Variants in BRIP1 observed in about 807,000 individuals in gnomAD.
BRIP1 encodes the protein BRCA1 interacting DNA helicase 1.
A neutral mutation model predicts 119.7 loss-of-function variants in BRIP1; 88 were observed. The ratio of observed to expected loss-of-function variants is 0.74; its 90% CI spans 0.62 to 0.88. The LOEUF is 0.88. Ranked by LOEUF, BRIP1 falls within the 40% of genes least tolerant of loss-of-function variation. The pLI, the probability that BRIP1 is intolerant of heterozygous loss-of-function variation, is 0.00. For synonymous variants in BRIP1, 443 were observed against 496.5 expected (o/e 0.89, Z 1.43); for missense variants, 1,259 against 1,455.4 (o/e 0.87, Z 2.20).
chr17:61,822,142 G>A lies in BRIP1; in HGVS notation c.628-13385C>T, dbSNP rs573071624. ...TGAATGAAATGTCTTCCCTATAAGCGTTACATAAAATTAGTAAATGACAAA... is the reference window on the plus strand; with the variant it reads ...TGAATGAAATGTCTTCCCTATAAGCATTACATAAAATTAGTAAATGACAAA... On this transcript the variant is annotated intron_variant, in intron 6 of 19. Transcript: ENST00000259008. This position sits in a 1 kb window ranked among gnomAD's most constrained non-coding sequence, Gnocchi z 4.4. Among the ~76,000 whole-genome samples, 36 of 151,984 alleles carry A rather than the reference G, an allele frequency of 2.4e-4. No individual in the cohort carries two copies. Among genetic ancestry groups the A allele is most frequent in the Middle Eastern group, 3.4e-3 (1 of 294 alleles).
rs1012268736 is a variant in BRIP1, at chr17:61,744,208, G to A, written c.2257+224C>T. 2.6e-5 allele frequency among the ~76,000 whole-genome samples: 4 copies of A among 152,006 alleles called. No homozygotes were observed. The highest frequency in any genetic ancestry group is 2.1e-4 in the South Asian group (1 of 4,814). On this transcript the variant is annotated intron_variant, in intron 15 of 19. Transcript: ENST00000259008. The surrounding 1 kb of genome is among the most constrained non-coding windows in gnomAD (Gnocchi z 5.0). ...AGTGCACTGAAGACTGTGAGATGAT[G>A]GCATCGTTTTTCTTAAAGTTGAATC...
chr17:61,731,000 G>C lies in BRIP1; in HGVS notation c.2379+12013C>G, dbSNP rs1414299156. On this transcript the variant is annotated intron_variant, in intron 16 of 19. Coordinates refer to ENST00000259008, the MANE Select transcript of BRIP1 (RefSeq NM_032043.3). This position sits in a 1 kb window ranked among gnomAD's most constrained non-coding sequence, Gnocchi z 4.3. Reference sequence around the variant, plus strand: ...TTTATTAACCTAGACAGCTTACTTAGATTTAAACTAGGTTTTAATTTTGGA... The same window carrying C: ...TTTATTAACCTAGACAGCTTACTTACATTTAAACTAGGTTTTAATTTTGGA... Among the ~76,000 whole-genome samples the C allele has an allele frequency of 6.7e-6, 1 of 150,100 alleles. No individual in the cohort carries two copies. The highest frequency in any genetic ancestry group is 1.5e-5 in the Non-Finnish European group (1 of 67,780).
At position 61,717,133 on chromosome 17, in the gene BRIP1, C is replaced by G. The variant is rs73991942; in HGVS notation, c.2380-1070G>C. ...TTACAGAAAAGTTCCAAAGATAGTA[C>G]AGAGATTCCTTATACCCTTTACCCA... On this transcript the variant is annotated intron_variant, in intron 16 of 19. Transcript: ENST00000259008. This position sits in a 1 kb window ranked among gnomAD's most constrained non-coding sequence, Gnocchi z 4.1. Among the ~76,000 whole-genome samples the G allele has an allele frequency of 0.049, 7,429 of 152,030 alleles. 576 individuals are homozygous for G. Among genetic ancestry groups the G allele is most frequent in the African/African-American group, 0.17 (6,871 of 41,474 alleles).
rs565561271 is a variant in BRIP1 at position 61,736,331 on chromosome 17, A to C, written c.2379+6682T>G. 6.6e-6 allele frequency among the ~76,000 whole-genome samples: 1 copy of C among 152,052 alleles called. No individual in the cohort carries two copies. The highest frequency in any genetic ancestry group is 2.1e-4 in the South Asian group (1 of 4,824). On this transcript the variant is annotated intron_variant, in intron 16 of 19. Transcript: ENST00000259008. This position sits in a 1 kb window ranked among gnomAD's most constrained non-coding sequence, Gnocchi z 4.4. ...CGACAGAACAAGACCTTGTCTATAA[A>C]ATAAAATAAAAATATTTAAATAAAT...
rs2077788525 is a variant in BRIP1, at chr17:61,789,841, C to T, written c.1473+3756G>A. On this transcript the variant is annotated intron_variant, in intron 10 of 19. Transcript: ENST00000259008. The surrounding 1 kb of genome is among the most constrained non-coding windows in gnomAD (Gnocchi z 4.8). Reference sequence around the variant, plus strand: ...GGGCATAGAAGAAGGCATAAGTAGACATAAATCACAATGTTCACAATGTTC... The same window carrying T: ...GGGCATAGAAGAAGGCATAAGTAGATATAAATCACAATGTTCACAATGTTC... 6.6e-6 allele frequency among the ~76,000 whole-genome samples: 1 copy of T among 152,106 alleles called. No homozygotes were observed. Among genetic ancestry groups the T allele is most frequent in the African/African-American group, 2.4e-5 (1 of 41,426 alleles).
At position 61,860,879 on chromosome 17, in the gene BRIP1, G is replaced by A. The variant is rs2078964373; in HGVS notation, c.93+568C>T. Among the ~76,000 whole-genome samples, 2 of 151,982 alleles carry A rather than the reference G, an allele frequency of 1.3e-5. No homozygotes were observed. Among genetic ancestry groups the A allele is most frequent in the Admixed American group, 6.6e-5 (1 of 15,256 alleles). ...ACTCAAGTTCTGCATAAAAAGTAAGGTACCGTATCACATCAATGCACAGTT... is the reference window on the plus strand; with the variant it reads ...ACTCAAGTTCTGCATAAAAAGTAAGATACCGTATCACATCAATGCACAGTT... On this transcript the variant is annotated intron_variant, in intron 2 of 19. Transcript: ENST00000259008. This position sits in a 1 kb window ranked among gnomAD's most constrained non-coding sequence, Gnocchi z 4.1.
At chr17:61,850,502 C>A (rs2078803483) in intron 4 of BRIP1, among the ~76,000 whole-genome samples, 1 of 152,136 alleles carries the variant, frequency 6.6e-6, no homozygotes, top group Non-Finnish European at 1.5e-5. Flanking sequence ...CAGAGAAAGA[C>A]CTACATGAGC....
intron 6 of BRIP1, among the ~76,000 whole-genome samples, chr17:61,830,357 A>G (rs1289491457): frequency 6.6e-6 from 1 of 151,838 alleles, no homozygotes; most frequent in Non-Finnish European, 1.5e-5. Context: ...GAAAGTCAAC[A>G]AAAACTTTTT....
chr17:61,754,634 A>C lies in BRIP1; in HGVS notation c.2098-10043T>G, dbSNP rs993531845. ...TCTTACAGTTATTAGTTTAAGCCAC[A>C]GATTGAGTGGCTTAAACAAGAGAAA... On this transcript the variant is annotated intron_variant, in intron 14 of 19. Coordinates refer to ENST00000259008, the MANE Select transcript of BRIP1 (RefSeq NM_032043.3). This position sits in a 1 kb window ranked among gnomAD's most constrained non-coding sequence, Gnocchi z 4.1. Among the ~76,000 whole-genome samples the C allele has an allele frequency of 2.6e-5, 4 of 152,204 alleles. No homozygotes were observed. The highest frequency in any genetic ancestry group is 6.5e-5 in the Admixed American group (1 of 15,274).
rs566126095 is a variant in BRIP1 at position 61,711,533 on chromosome 17, C to T, written c.2492+4418G>A. On this transcript the variant is annotated intron_variant, in intron 17 of 19. Coordinates refer to ENST00000259008, the MANE Select transcript of BRIP1 (RefSeq NM_032043.3). ...CTGTAGCTTAACCATAGACCTGAAT[C>T]ACTCAGTTTGAAGAAAAACACATGC... 9.2e-5 allele frequency among the ~76,000 whole-genome samples: 14 copies of T among 152,130 alleles called. No individual in the cohort carries two copies. In the East Asian group the frequency reaches 1.9e-3, roughly 21 times the overall value.
chr17:61,781,036 C>A (rs2077613022), intron 11 of BRIP1, 31 bp from the exon 12 acceptor site: 1 of 1,610,030 alleles, frequency 6.2e-7, no homozygotes, highest in Non-Finnish European at 8.5e-7. Context: ...AATTAAGTGG[C>A]AAAACTTTTA....
intron 5 of BRIP1, among the ~76,000 whole-genome samples, chr17:61,847,723 T>G (rs1486143115): frequency 6.6e-6 from 1 of 152,224 alleles, no homozygotes; most frequent in Non-Finnish European, 1.5e-5. Context: ...CCAAGTTGCC[T>G]TTGATTAAAT....
At chr17:61,749,411 T>TA (rs1000787631) in intron 14 of BRIP1, among the ~76,000 whole-genome samples, 11 of 151,078 alleles carry the variant, frequency 7.3e-5, no homozygotes, top group South Asian at 4.2e-4. Flanking sequence ...AACCCAATAT[T>TA]AAAAAAAAAT....
chr17:61,833,796 T>C (rs182307815), intron 6 of BRIP1, among the ~76,000 whole-genome samples: 1 of 152,160 alleles, frequency 6.6e-6, no homozygotes, highest in East Asian at 1.9e-4. Context: ...CTAACTCCAC[T>C]AACCTCTGGC....
chr17:61,772,157 T>TTATATATA (rs71150699), intron 14 of BRIP1, among the ~76,000 whole-genome samples: 34 of 76,856 alleles, frequency 4.4e-4, no homozygotes, highest in Non-Finnish European at 5.0e-4. Flanking sequence ...AAATGTGAGA[T>TTATATATA]TATATATATA....
Position 61,810,312 on chromosome 17 carries a change from T to C in BRIP1, c.628-1555A>G, listed in dbSNP as rs1447642818. 6.6e-6 allele frequency among the ~76,000 whole-genome samples: 1 copy of C among 152,222 alleles called. No individual in the cohort carries two copies. The highest frequency in any genetic ancestry group is 2.4e-5 in the African/African-American group (1 of 41,466). On this transcript the variant is annotated intron_variant, in intron 6 of 19. Transcript: ENST00000259008. The surrounding 1 kb of genome is among the most constrained non-coding windows in gnomAD (Gnocchi z 4.7). ...CAGCTGACATGTGGTTTATGTTACA[T>C]ATGTTGCAATATCCAACAATTTACG... is the stretch of plus-strand genomic sequence containing the variant.
At position 61,803,715 on chromosome 17, in the gene BRIP1, A is replaced by G. The variant is rs1603344369; in HGVS notation, c.919-2241T>C. Among the ~76,000 whole-genome samples the G allele has an allele frequency of 6.6e-6, 1 of 152,300 alleles. No individual in the cohort carries two copies. Among genetic ancestry groups the G allele is most frequent in the East Asian group, 1.9e-4 (1 of 5,182 alleles). ...GTGTCTCATATACTATTAAAAATGT[A>G]CAAAATTAGAAAAGTATATATATTT... is the stretch of plus-strand genomic sequence containing the variant. On this transcript the variant is annotated intron_variant, in intron 7 of 19. Transcript: ENST00000259008. The surrounding 1 kb of genome is among the most constrained non-coding windows in gnomAD (Gnocchi z 4.3).
At position 61,808,726 on chromosome 17, in the gene BRIP1, G is replaced by A. The variant is rs1357803255; in HGVS notation, c.659C>T (p.Ser220Phe). Reference sequence around the variant, plus strand: ...CTCTTGACTGTTTCCTTGTTTAGTAGAACAACAGCACCTAGAACAGTGGCC... The same window carrying A: ...CTCTTGACTGTTTCCTTGTTTAGTAAAACAACAGCACCTAGAACAGTGGCC... ...PPGHCSRCCC[S>F]TKQGNSQESS... Residue 220 changes from serine (S) to phenylalanine (F), a missense_variant, in exon 7 of 20, where the codon TCT becomes TTT. Ser to Phe is a radical substitution (Grantham distance 155). Coordinates refer to ENST00000259008, the MANE Select transcript of BRIP1 (RefSeq NM_032043.3). The surrounding 1 kb of genome is among the most constrained non-coding windows in gnomAD (Gnocchi z 4.1). 6.2e-7 allele frequency: 1 copy of A among 1,613,530 alleles called. No homozygotes were observed. Among genetic ancestry groups the A allele is most frequent in the Admixed American group, 1.7e-5 (1 of 59,994 alleles).
chr17:61,861,582 T>C lies in BRIP1; in HGVS notation c.-30-13A>G. The C allele has an allele frequency of 7.0e-7, 1 of 1,434,072 alleles. No individual in the cohort carries two copies. Among genetic ancestry groups the C allele is most frequent in the East Asian group, 2.3e-5 (1 of 43,920 alleles). 88.8% of individuals were successfully genotyped at this position (1,434,072 alleles called of 1,614,324 possible). The stretch of plus-strand genomic sequence containing the variant: ...TTCAGATTCCTAACTACAACAGAAA[T>C]GAAAATGTCAAATATTGAGACACGC... On this transcript the variant is annotated splice_polypyrimidine_tract_variant and intron_variant, in intron 1 of 19. Transcript: ENST00000259008. This position sits in a 1 kb window ranked among gnomAD's most constrained non-coding sequence, Gnocchi z 4.5.
Sources: gnomAD v4.1 joint callset for allele counts (sites outside exome capture counted in the v4.1 genomes callset) on GRCh38, gnomAD v4.1.1 for gene constraint, Gnocchi (gnomAD v3.1) non-coding constraint, MANE v1.5 for transcripts, NCBI Gene and HGNC (gene_info 2026-07-23, HGNC 2026-07-21) for gene names.